Variants in CLN3 observed in about 807,000 individuals in gnomAD.
CLN3 encodes CLN3 lysosomal/endosomal transmembrane protein, battenin, also known as battenin.
In CLN3, 49 loss-of-function variants were observed where a neutral mutation model predicts 60.7. The ratio of observed to expected loss-of-function variants is 0.81; its 90% CI spans 0.64 to 1.02. The LOEUF is 1.02. Among genes scored for constraint, CLN3 ranks in the 50% least tolerant of loss-of-function variants. The pLI is 0.00. For synonymous variants in CLN3, 256 were observed against 245.8 expected, an observed-to-expected ratio of 1.04 and a Z score of -0.39; for missense variants, 516 against 557.4, an observed-to-expected ratio of 0.93 and a Z score of 0.75.
chr16:28,486,516 CAGG>C (rs1259454311), intron 8 of CLN3, 26 bp from the exon 9 acceptor site: 1 of 1,609,864 alleles, frequency 6.2e-7, no homozygotes, highest in Non-Finnish European at 8.5e-7. Context: ...CAGGAACATT[CAGG>C]AGGACCTAGG....
At chr16:28,478,353 T>G (rs1034284676) in intron 14 of CLN3, among the ~76,000 whole-genome samples, 1 of 147,814 alleles carries the variant, frequency 6.8e-6, no homozygotes, top group Admixed American at 6.8e-5. Flanking sequence ...CAGTGGCTCA[T>G]GCAGGTAATA....
In CLN3 at chr16:28,488,338, A is replaced by T. The variant is rs149301; in HGVS notation, c.294+253T>A. On this transcript the variant is annotated intron_variant, in intron 5 of 15. Coordinates refer to ENST00000636147, the MANE Select transcript of CLN3 (RefSeq NM_001042432.2). Reference sequence around the variant, plus strand: ...GGTCTCAATTATTTTATATATATATATTTTTTAATTTTTTTCTTTAAGATG... The same window carrying T: ...GGTCTCAATTATTTTATATATATATTTTTTTTAATTTTTTTCTTTAAGATG... 0.31 allele frequency: 62,761 copies of T among 200,518 alleles called. 11,398 individuals carry two copies. Among genetic ancestry groups the T allele is most frequent in the Admixed American group, 0.39 (6,698 of 17,102 alleles). The allele number at this position is 200,518 out of a possible 1,614,324, so 12.4% of individuals were successfully genotyped here.
At position 28,491,364 on chromosome 16, in the gene CLN3, T is replaced by G. The variant is rs1201620483; in HGVS notation, c.125+118A>C. 5 of 1,392,052 alleles carry G rather than the reference T, an allele frequency of 3.6e-6. No individual in the cohort carries two copies. The East Asian group carries it at 9.9e-5, about 28-fold the overall frequency. 86.2% of individuals were successfully genotyped at this position (1,392,052 alleles called of 1,614,324 possible). ...CTGCCCCTGGGGCAAACCAGTGGAT[T>G]CAGTAAATATTTGTGGGTTCAGCTC... is the stretch of plus-strand genomic sequence containing the variant. On this transcript the variant is annotated intron_variant, in intron 3 of 15. Coordinates refer to ENST00000636147, the MANE Select transcript of CLN3 (RefSeq NM_001042432.2).
chr16:28,469,674 G>A (rs1348722852), downstream of CLN3: 1 of 365,528 alleles, frequency 2.7e-6, no homozygotes, highest in African/African-American at 2.2e-5. Context: ...ACTTTCCAAA[G>A]TTAGTAAACT....
chr16:28,486,429 A>G lies in CLN3; in HGVS notation c.595T>C (p.Tyr199His). ...GGAGLLGALS[Y>H]LGLTQAGLSP... ...AGGCCGGCCTGGGTGAGGCCCAGGT[A>G]GGACAGGGCCCCCAGCAGCCCAGCT... The change falls in exon 9 of 16, where the codon TAC becomes CAC. Residue 199 changes from tyrosine (Y) to histidine (H), a missense_variant. Transcript: ENST00000636147. 6.2e-7 allele frequency: 1 copy of G among 1,613,528 alleles called. No homozygotes were observed. Among genetic ancestry groups the G allele is most frequent in the Non-Finnish European group, 8.5e-7 (1 of 1,179,890 alleles).
At chr16:28,481,885 A>T (rs1442660605) in intron 14 of CLN3, among the ~76,000 whole-genome samples, 2 of 151,726 alleles carry the variant, frequency 1.3e-5, no homozygotes, top group African/African-American at 4.8e-5. Context: ...TACTCAGGAG[A>T]CTGAGGCAGG....
intron 5 of CLN3, chr16:28,488,376 T>C: frequency 2.3e-6 from 1 of 426,420 alleles, no homozygotes; most frequent in Non-Finnish European, 4.2e-6. Context: ...GGTCTCACTA[T>C]ACTGCCCAGG....
chr16:28,473,170 T>C (rs1166543123), downstream of CLN3, among the ~76,000 whole-genome samples: 1 of 150,954 alleles, frequency 6.6e-6, no homozygotes, highest in Non-Finnish European at 1.5e-5. Flanking sequence ...AATGGTTCAA[T>C]CTCAGCTCAC....
chr16:28,486,272 G>C (rs1285654649), intron 9 of CLN3, 75 bp downstream of exon 9: 1 of 1,588,172 alleles, frequency 6.3e-7, no homozygotes, highest in Admixed American at 1.7e-5. Flanking sequence ...GATTACAGGC[G>C]TGAGCCACCA....
chr16:28,488,581 G>A lies in CLN3; in HGVS notation c.294+10C>T, dbSNP rs367693072. ...GGGTCAGGCAAGGACCAGGTGAGAT[G>A]AGTACGCACAGCCGTAGAGACAGAG... On this transcript the variant is annotated intron_variant, in intron 5 of 15. Transcript: ENST00000636147. 36 of 1,613,656 alleles carry A rather than the reference G, an allele frequency of 2.2e-5. No individual in the cohort carries two copies. The highest frequency in any genetic ancestry group is 8.3e-5 in the Admixed American group (5 of 59,986).
chr16:28,491,542 T>A lies in CLN3; in HGVS notation c.65A>T (p.Glu22Val). 1 of 1,614,060 alleles carries A rather than the reference T, an allele frequency of 6.2e-7. No homozygotes were observed. The highest frequency in any genetic ancestry group is 2.2e-5 in the East Asian group (1 of 44,874). Reference protein sequence around the residue: ...SDSEGEETVPEPRLPLLDHQG... With the variant: ...SDSEGEETVPVPRLPLLDHQG... ...ATGGTCCAACAGAGGGAGCCGGGGCTCCGGGACGGTCTCCTCCCCTGGGAG... is the reference window on the plus strand; with the variant it reads ...ATGGTCCAACAGAGGGAGCCGGGGCACCGGGACGGTCTCCTCCCCTGGGAG... The change falls in exon 3 of 16, where the codon GAG (glutamate) becomes GTG (valine). Residue 22 changes from glutamate to valine, a missense_variant. Coordinates refer to ENST00000636147, the MANE Select transcript of CLN3 (RefSeq NM_001042432.2).
chr16:28,468,816 A>C, the CLN3 span, among the ~76,000 whole-genome samples: 1 of 86,254 alleles, frequency 1.2e-5, no homozygotes, highest in Non-Finnish European at 2.7e-5. Context: ...CAAAAAAAAA[A>C]AAAAAAAAAA....
rs780419236 is a variant in CLN3 at position 28,482,315 on chromosome 16, C to T, written c.962+12G>A. The T allele has an allele frequency of 2.5e-5, 41 of 1,612,934 alleles. 1 individual carries two copies. Among genetic ancestry groups the T allele is most frequent in the South Asian group, 9.9e-5 (9 of 90,938 alleles). The stretch of plus-strand genomic sequence containing the variant: ...CGGCGCCCTCCCAGCCCACTGCCCT[C>T]GCTCCTCTTACCAGCGGTATTGCTG... On this transcript the variant is annotated intron_variant, in intron 13 of 15. Coordinates refer to ENST00000636147, the MANE Select transcript of CLN3 (RefSeq NM_001042432.2).
chr16:28,489,690 G>A (rs2046280453), intron 3 of CLN3, among the ~76,000 whole-genome samples: 2 of 152,104 alleles, frequency 1.3e-5, no homozygotes, highest in Non-Finnish European at 2.9e-5. Context: ...GTCAGAGGCT[G>A]CAGTGAACTG....
At chr16:28,476,459 T>C (rs2045997133), downstream of CLN3, 1 of 151,636 alleles carries the variant, frequency 6.6e-6, no homozygotes, top group Non-Finnish European at 1.5e-5. Context: ...GGTGTGAGGA[T>C]TGTTTGAGTC....
At chr16:28,475,818 G>A (rs1281749691), downstream of CLN3, 1 of 151,792 alleles carries the variant, frequency 6.6e-6, no homozygotes, top group Non-Finnish European at 1.5e-5. Context: ...GTACTGTTAG[G>A]TTCAGATATG....
chr16:28,483,954 G>C, intron 10 of CLN3, 52 bp downstream of exon 10: 1 of 1,374,428 alleles, frequency 7.3e-7, no homozygotes, highest in Non-Finnish European at 1.0e-6. Flanking sequence ...AGAGGAAAAG[G>C]CCAAACCCAG....
intron 9 of CLN3, chr16:28,484,515 A>C (rs1022471976): frequency 4.3e-6 from 1 of 234,798 alleles, no homozygotes; most frequent in African/African-American, 2.3e-5. Flanking sequence ...AGCCCGCCTC[A>C]TATTTTCCAT....
At position 28,487,173 on chromosome 16, in the gene CLN3, A is replaced by G. The variant is rs376667908; in HGVS notation, c.460+283T>C. The G allele has an allele frequency of 2.1e-3, 1,059 of 510,506 alleles. 10 individuals are homozygous for G. The highest frequency in any genetic ancestry group is 0.012 in the South Asian group (576 of 46,256). The allele number at this position is 510,506 out of a possible 1,614,324, so 31.6% of individuals were successfully genotyped here. A position where few individuals can be genotyped will look rare whatever the true frequency, so the allele number is the denominator to read the frequency against. ...TGATCTGCCTGCCTTGGCTTTCCAAAGTGCTGGGATTATAGGCATGAGTCA... is the reference window on the plus strand; with the variant it reads ...TGATCTGCCTGCCTTGGCTTTCCAAGGTGCTGGGATTATAGGCATGAGTCA... On this transcript the variant is annotated intron_variant, in intron 7 of 15. Transcript: ENST00000636147.
Sources: gnomAD v4.1 joint callset for allele counts (sites outside exome capture counted in the v4.1 genomes callset) on GRCh38, gnomAD v4.1.1 for gene constraint, MANE v1.5 for transcripts, NCBI Gene and HGNC (gene_info 2026-07-23, HGNC 2026-07-21) for gene names.